The following MTCP1 variants were observed in gnomAD, a reference collection of about 807,000 sequenced individuals.
MTCP1 encodes the protein protein p13 MTCP-1.
MTCP1 carries 2 observed loss-of-function variants against 10.6 expected under a neutral mutation model. That is an observed-to-expected ratio of 0.19 (90% CI 0.08 to 0.59). The LOEUF (loss-of-function observed/expected upper bound fraction) is 0.59, where lower values mean the gene tolerates loss of function less well. Ranked by LOEUF, MTCP1 falls within the 20% of genes least tolerant of loss-of-function variation. MTCP1 has a pLI of 0.90. For missense variants in MTCP1, 33 were observed against 91.5 expected (o/e 0.36, Z 2.61); for synonymous variants, 29 against 34.4 (o/e 0.84, Z 0.55).
Position 155,064,187 on chromosome X carries a change from T to C in MTCP1, c.*1217A>G, listed in dbSNP as rs890627109. The C allele has an allele frequency of 9.3e-5, 33 of 354,072 alleles. No individual in the cohort carries two copies. The highest frequency in any genetic ancestry group is 1.5e-5 in the Non-Finnish European group (3 of 202,349). 29.2% of individuals were successfully genotyped at this position (354,072 alleles called of 1,213,427 possible). Reference sequence around the variant, plus strand: ...ATACTCTTCCCAAACATAGGATGAATCAACTGTATTTTTATAATATCCATT... The same window carrying C: ...ATACTCTTCCCAAACATAGGATGAACCAACTGTATTTTTATAATATCCATT... On this transcript the variant is annotated 3_prime_UTR_variant, in exon 5 of 5. Transcript: ENST00000369476.
intron 1 of MTCP1, among the ~76,000 whole-genome samples, chrX:155,067,841 C>T (rs961589757): frequency 6.3e-5 from 7 of 111,712 alleles, no homozygotes; most frequent in Admixed American, 3.8e-4. Flanking sequence ...AACAAAGGAA[C>T]GCCACAGTGG....
intron 1 of MTCP1, among the ~76,000 whole-genome samples, chrX:155,069,239 T>C (rs1019613592): frequency 8.9e-6 from 1 of 112,623 alleles, no homozygotes; most frequent in Non-Finnish European, 1.9e-5. Context: ...TTTTTAAACA[T>C]TGATCAGTTG....
chrX:155,065,188 CT>C lies in MTCP1; in HGVS notation c.*215del. 3.0e-6 allele frequency: 1 copy of C among 337,371 alleles called. No individual in the cohort carries two copies. The highest frequency in any genetic ancestry group is 5.2e-6 in the Non-Finnish European group (1 of 194,136). 27.8% of individuals were successfully genotyped at this position (337,371 alleles called of 1,213,427 possible). A position where few individuals can be genotyped will look rare whatever the true frequency, so the allele number is the denominator to read the frequency against. On this transcript the variant is annotated 3_prime_UTR_variant, in exon 5 of 5. Coordinates refer to ENST00000369476, the MANE Select transcript of MTCP1 (RefSeq NM_001018025.4). ...TCAAGTTACGGATCCTGACTAAGTG[CT>C]TTTGTTGACTTGCTTTCTGCCTACG...
chrX:155,065,589 C>A, intron 3 of MTCP1, 30 bp downstream of exon 3: 1 of 1,209,336 alleles, frequency 8.3e-7, no homozygotes, highest in Non-Finnish European at 1.1e-6. Flanking sequence ...AGTCCCAGTA[C>A]AATGGAAAAT....
Position 155,066,889 on chromosome X carries a change from T to C in MTCP1, c.-47-832A>G, listed in dbSNP as rs73641117. Reference sequence around the variant, plus strand: ...ACATTTGAGAGGTGTAAAGGAAGCATACCTCCCAAAGCATTTGAGTGGTAG... The same window carrying C: ...ACATTTGAGAGGTGTAAAGGAAGCACACCTCCCAAAGCATTTGAGTGGTAG... On this transcript the variant is annotated intron_variant, in intron 1 of 4. Coordinates refer to ENST00000369476, the MANE Select transcript of MTCP1 (RefSeq NM_001018025.4). 4.3e-3 allele frequency among the ~76,000 whole-genome samples: 479 copies of C among 112,125 alleles called. 1 individual carries two copies. The highest frequency in any genetic ancestry group is 0.015 in the African/African-American group (455 of 30,836).
At position 155,065,222 on chromosome X, in the gene MTCP1, T is replaced by C; in HGVS notation, c.*182A>G. On this transcript the variant is annotated 3_prime_UTR_variant, in exon 5 of 5. Transcript: ENST00000369476. ...ACTTGCTTTCTGCCTACGTAACCTC[T>C]CTCTGCAGTTTCACTTGCAGTATTC... 2.6e-6 allele frequency: 1 copy of C among 382,399 alleles called. No homozygotes were observed. Among genetic ancestry groups the C allele is most frequent in the Non-Finnish European group, 4.5e-6 (1 of 219,797 alleles). 31.5% of individuals were successfully genotyped at this position (382,399 alleles called of 1,213,427 possible).
In MTCP1 at chrX:155,065,901, GT is replaced by G; in HGVS notation, c.105+4del. Reference sequence around the variant, plus strand: ...CAAAGAAATAAGCAAAATGTAAACAGTTACCTCTTCCACGACGGCCACCCAC... The same window carrying G: ...CAAAGAAATAAGCAAAATGTAAACAGTACCTCTTCCACGACGGCCACCCAC... On this transcript the variant is annotated splice_donor_region_variant and intron_variant, in intron 2 of 4. Transcript: ENST00000369476. 1 of 1,208,594 alleles carries G rather than the reference GT, an allele frequency of 8.3e-7. No homozygotes were observed. The highest frequency in any genetic ancestry group is 1.1e-6 in the Non-Finnish European group (1 of 892,639).
At position 155,064,248 on chromosome X, in the gene MTCP1, G is replaced by GA. The variant is rs1330306072; in HGVS notation, c.*1155dup. 43 of 268,960 alleles carry GA rather than the reference G, an allele frequency of 1.6e-4. No individual in the cohort carries two copies. The highest frequency in any genetic ancestry group is 5.9e-4 in the East Asian group (10 of 16,994). 22.2% of individuals were successfully genotyped at this position (268,960 alleles called of 1,213,427 possible). ...TGGAAGATATAAATAGCTTTACATG[G>GA]AAAAAAAACCTTGAATTCAATCAAC... On this transcript the variant is annotated 3_prime_UTR_variant, in exon 5 of 5. Coordinates refer to ENST00000369476, the MANE Select transcript of MTCP1 (RefSeq NM_001018025.4).
intron 1 of MTCP1, among the ~76,000 whole-genome samples, chrX:155,066,552 A>G (rs1399836354): frequency 1.8e-5 from 2 of 112,588 alleles, no homozygotes; most frequent in South Asian, 3.6e-4. Flanking sequence ...CATGTCTTTC[A>G]GAGTTGAAAT....
Position 155,064,096 on chromosome X carries a change from G to A in MTCP1, c.*1308C>T, listed in dbSNP as rs782254549. The A allele has an allele frequency of 7.3e-5, 69 of 942,703 alleles. No individual in the cohort carries two copies. Among genetic ancestry groups the A allele is most frequent in the South Asian group, 3.4e-4 (14 of 41,457 alleles). The allele number at this position is 942,703 out of a possible 1,213,427, so 77.7% of individuals were successfully genotyped here. A position where few individuals can be genotyped will look rare whatever the true frequency, so the allele number is the denominator to read the frequency against. On this transcript the variant is annotated 3_prime_UTR_variant, in exon 5 of 5. Transcript: ENST00000369476. Reference sequence around the variant, plus strand: ...CATAAAGACTTTAAAGCCCCTCTACGTGGAATTTTCTTCTGAGACAAGCAG... The same window carrying A: ...CATAAAGACTTTAAAGCCCCTCTACATGGAATTTTCTTCTGAGACAAGCAG...
At position 155,065,646 on chromosome X, in the gene MTCP1, G is replaced by A. The variant is rs782669108; in HGVS notation, c.249C>T (p.Arg83=). ...PEERYMDNNS[R]LWQIQHHLMV... ...TTAAATGATGCTGTATCTGCCACAA[G>A]CGAGAGTTGTTATCCATGTAGCGCT... is the stretch of plus-strand genomic sequence containing the variant. The change falls in exon 3 of 5, where the codon CGC becomes CGT. Residue 83 remains arginine, a synonymous_variant. Transcript: ENST00000369476. The A allele has an allele frequency of 7.4e-6, 9 of 1,209,855 alleles. No homozygotes were observed. Among genetic ancestry groups the A allele is most frequent in the Non-Finnish European group, 1.1e-6 (1 of 895,113 alleles).
chrX:155,066,951 A>G (rs1399332838), intron 1 of MTCP1, among the ~76,000 whole-genome samples: 2 of 111,968 alleles, frequency 1.8e-5, no homozygotes, highest in Non-Finnish European at 3.8e-5. Flanking sequence ...CAAGCCCCAG[A>G]TATCATTTCA....
intron 2 of MTCP1, 44 bp downstream of exon 2, chrX:155,065,862 C>T: frequency 8.3e-7 from 1 of 1,198,832 alleles, no homozygotes; most frequent in Non-Finnish European, 1.1e-6. Flanking sequence ...AACCAAGTTA[C>T]TTGAAAGCAA....
chrX:155,064,380 T>C lies in MTCP1; in HGVS notation c.*1024A>G. 7.7e-6 allele frequency: 1 copy of C among 129,632 alleles called. No individual in the cohort carries two copies. The highest frequency in any genetic ancestry group is 1.6e-5 in the Non-Finnish European group (1 of 64,109). 10.7% of individuals were successfully genotyped at this position (129,632 alleles called of 1,213,427 possible). A position where few individuals can be genotyped will look rare whatever the true frequency, so the allele number is the denominator to read the frequency against. ...TGATAAATGATTAAACTCCTTGAGC[T>C]TTTTTTATTACTCATATATAAAATG... On this transcript the variant is annotated 3_prime_UTR_variant, in exon 5 of 5. Coordinates refer to ENST00000369476, the MANE Select transcript of MTCP1 (RefSeq NM_001018025.4).
chrX:155,064,354 T>C lies in MTCP1; in HGVS notation c.*1050A>G, dbSNP rs1237562310. The C allele has an allele frequency of 1.4e-5, 2 of 146,404 alleles. No homozygotes were observed. The highest frequency in any genetic ancestry group is 2.6e-5 in the Non-Finnish European group (2 of 75,699). The allele number at this position is 146,404 out of a possible 1,213,427, so 12.1% of individuals were successfully genotyped here. ...GCTCTATCATTCGCAGAAGAAACCCTTGATAAATGATTAAACTCCTTGAGC... is the reference window on the plus strand; with the variant it reads ...GCTCTATCATTCGCAGAAGAAACCCCTGATAAATGATTAAACTCCTTGAGC... On this transcript the variant is annotated 3_prime_UTR_variant, in exon 5 of 5. Transcript: ENST00000369476.
chrX:155,066,550 T>C (rs981316691), intron 1 of MTCP1, among the ~76,000 whole-genome samples: 17 of 112,503 alleles, frequency 1.5e-4, no homozygotes, highest in African/African-American at 4.5e-4. Flanking sequence ...TGCATGTCTT[T>C]CAGAGTTGAA....
rs782419069 is a variant in MTCP1, at chrX:155,066,180, C to T, written c.-47-123G>A. On this transcript the variant is annotated intron_variant, in intron 1 of 4. Transcript: ENST00000369476. ...ACCAAACCTCATATGTCTATTTGCA[C>T]AACCTAAATAGAACCAAGGACATCT... is the stretch of plus-strand genomic sequence containing the variant. 38 of 424,486 alleles carry T rather than the reference C, an allele frequency of 9.0e-5. 1 individual carries two copies. The South Asian group carries it at 1.4e-3, about 15-fold the overall frequency. The allele number at this position is 424,486 out of a possible 1,213,427, so 35.0% of individuals were successfully genotyped here.
At chrX:155,067,451 C>G (rs2073953067) in intron 1 of MTCP1, among the ~76,000 whole-genome samples, 1 of 111,810 alleles carries the variant, frequency 8.9e-6, no homozygotes, top group Admixed American at 9.5e-5. Flanking sequence ...ACAACTACCA[C>G]TGCAGTTGAG....
At chrX:155,069,010 G>T (rs2073959248) in intron 1 of MTCP1, among the ~76,000 whole-genome samples, 1 of 112,268 alleles carries the variant, frequency 8.9e-6, no homozygotes, top group Non-Finnish European at 1.9e-5. Context: ...CCCCATGAGG[G>T]TCACCTTGAT....
Sources: allele counts gnomAD v4.1 joint callset (sites outside exome capture counted in the v4.1 genomes callset), GRCh38; gene constraint gnomAD v4.1.1; transcripts MANE v1.5; gene names NCBI Gene and HGNC (gene_info 2026-07-23, HGNC 2026-07-21).